RANBP17: variants seen among roughly 807,000 people sequenced by gnomAD.
RANBP17 encodes ran-binding protein 17.
A neutral mutation model predicts 141.2 loss-of-function variants in RANBP17; 158 were observed. The observed-to-expected ratio is 1.12, with a 90% confidence interval of 0.98 to 1.28. The LOEUF is 1.28. RANBP17 is among the 50% of genes most tolerant of loss of function. The pLI is 0.00. For missense variants in RANBP17, 1,438 were observed against 1,290.7 expected (o/e 1.11, Z -1.75); for synonymous variants, 430 against 450.0 (o/e 0.96, Z 0.56).
At chr5:171,252,238 G>A in intron 24 of RANBP17, 10 of 1,574,650 alleles carry the variant, frequency 6.4e-6, no homozygotes, top group Non-Finnish European at 8.7e-6. Flanking sequence ...TTTACAAGAA[G>A]AGAGAAAGCA....
chr5:170,933,360 C>A (rs1581178010), intron 12 of RANBP17, among the ~76,000 whole-genome samples: 1 of 152,020 alleles, frequency 6.6e-6, no homozygotes, highest in Non-Finnish European at 1.5e-5. Flanking sequence ...TTCAAAAAAA[C>A]CAGCTCCTGG....
chr5:171,184,270 G>C (rs1036535903), intron 18 of RANBP17, among the ~76,000 whole-genome samples: 1 of 152,140 alleles, frequency 6.6e-6, no homozygotes, highest in Non-Finnish European at 1.5e-5. Context: ...AGAAAATGTG[G>C]TATATATACA....
chr5:170,955,707 C>T (rs1394593842), intron 13 of RANBP17, among the ~76,000 whole-genome samples: 19 of 109,232 alleles, frequency 1.7e-4, no homozygotes, highest in South Asian at 6.4e-4. Context: ...TGTAGAGGAA[C>T]GAACTCTAAT....
intron 14 of RANBP17, among the ~76,000 whole-genome samples, chr5:171,138,017 C>A (rs951418192): frequency 3.3e-5 from 5 of 151,490 alleles, no homozygotes; most frequent in African/African-American, 4.8e-5. Flanking sequence ...TGCCCTGACT[C>A]CATCACTAAG....
intron 14 of RANBP17, among the ~76,000 whole-genome samples, chr5:171,081,560 C>T (rs753105727): frequency 3.9e-5 from 6 of 152,088 alleles, no homozygotes; most frequent in Non-Finnish European, 7.4e-5. Context: ...TTAATTTGTA[C>T]ATATCATTGT....
chr5:171,026,112 T>C (rs911920386), intron 14 of RANBP17, among the ~76,000 whole-genome samples: 1 of 152,194 alleles, frequency 6.6e-6, no homozygotes, highest in African/African-American at 2.4e-5. Context: ...ACAAAACCCC[T>C]GTAATTTATT....
intron 3 of RANBP17, among the ~76,000 whole-genome samples, chr5:170,887,064 T>C (rs1245584208): frequency 3.3e-5 from 5 of 152,208 alleles, no homozygotes; most frequent in Admixed American, 6.5e-5. Context: ...TTCAAACTCA[T>C]GTTGTTCAAG....
Position 170,946,431 on chromosome 5 carries a change from G to A in RANBP17, c.1469-7166G>A, listed in dbSNP as rs145278089. The stretch of plus-strand genomic sequence containing the variant: ...TAGATTCACATCCATTACATGAAGT[G>A]TATAACATATCCTACACACAATTGG... On this transcript the variant is annotated intron_variant, in intron 12 of 27. Coordinates refer to ENST00000523189, the MANE Select transcript of RANBP17 (RefSeq NM_022897.5). Among the ~76,000 whole-genome samples the A allele has an allele frequency of 9.5e-4, 144 of 152,200 alleles. 1 individual carries two copies. In the East Asian group the frequency reaches 0.025, roughly 27 times the overall value.
chr5:171,129,080 C>T (rs1756712180), intron 14 of RANBP17, among the ~76,000 whole-genome samples: 1 of 152,092 alleles, frequency 6.6e-6, no homozygotes, highest in African/African-American at 2.4e-5. Context: ...CTCCCCAACC[C>T]CCATCACCAT....
At chr5:170,881,496 A>C (rs1768687594) in intron 2 of RANBP17, among the ~76,000 whole-genome samples, 1 of 152,206 alleles carries the variant, frequency 6.6e-6, no homozygotes, top group Admixed American at 6.5e-5. Flanking sequence ...CAGATGATGT[A>C]GGGCTGTAGA....
chr5:171,057,872 A>C (rs1011893709), intron 14 of RANBP17, among the ~76,000 whole-genome samples: 2 of 152,032 alleles, frequency 1.3e-5, no homozygotes, highest in Non-Finnish European at 2.9e-5. Flanking sequence ...CCATGATCCA[A>C]TTACCTACAC....
chr5:171,081,782 A>C (rs1785269992), intron 14 of RANBP17, among the ~76,000 whole-genome samples: 1 of 152,176 alleles, frequency 6.6e-6, no homozygotes, highest in Non-Finnish European at 1.5e-5. Flanking sequence ...AAAGGAAATA[A>C]GATAGCTTCT....
intron 5 of RANBP17, among the ~76,000 whole-genome samples, chr5:170,908,467 A>G (rs1771251649): frequency 1.3e-5 from 2 of 151,802 alleles, no homozygotes; most frequent in Admixed American, 1.3e-4. Flanking sequence ...AACACTAGAT[A>G]CTTGTGGACA....
rs1447567626 is a variant in RANBP17 at position 171,137,584 on chromosome 5, GTGTGTGTGTGTGTGTGTGTGTC to G, written c.1711-32526_1711-32505del. On this transcript the variant is annotated intron_variant, in intron 14 of 27. Coordinates refer to ENST00000523189, the MANE Select transcript of RANBP17 (RefSeq NM_022897.5). ...CTGTTGACTTGAGATGTGTGTGTGT[GTGTGTGTGTGTGTGTGTGTGTC>G]TGTGTGTGTGTGTGTGTGTCTGTGT... Among the ~76,000 whole-genome samples, 706 of 144,186 alleles carry G rather than the reference GTGTGTGTGTGTGTGTGTGTGTC, an allele frequency of 4.9e-3. 10 individuals carry two copies. Among genetic ancestry groups the G allele is most frequent in the East Asian group, 0.04 (202 of 5,024 alleles). 94.6% of individuals were successfully genotyped at this position (144,186 alleles called of 152,430 possible).
rs567336855 is a variant in RANBP17, at chr5:170,984,228, C to T, written c.1710+15851C>T. On this transcript the variant is annotated intron_variant, in intron 14 of 27. Coordinates refer to ENST00000523189, the MANE Select transcript of RANBP17 (RefSeq NM_022897.5). ...TCTACAGACTGACCAGTTTGTCATC[C>T]GGGTGTATGGTTTCTTTCTGAGGTA... is the stretch of plus-strand genomic sequence containing the variant. Among the ~76,000 whole-genome samples the T allele has an allele frequency of 5.3e-4, 81 of 152,206 alleles. 1 individual carries two copies. Among genetic ancestry groups the T allele is most frequent in the South Asian group, 1.0e-3 (5 of 4,822 alleles).
At chr5:171,089,555 G>T (rs373854149) in intron 14 of RANBP17, among the ~76,000 whole-genome samples, 1 of 147,944 alleles carries the variant, frequency 6.8e-6, no homozygotes, top group Non-Finnish European at 1.5e-5. Context: ...CCCCTCCCCC[G>T]GCCTCGCTGC....
chr5:171,105,988 C>T (rs1449839069), intron 14 of RANBP17, among the ~76,000 whole-genome samples: 1 of 152,148 alleles, frequency 6.6e-6, no homozygotes, highest in African/African-American at 2.4e-5. Context: ...GTAAATTGTT[C>T]TACACATTAG....
chr5:171,148,163 T>G (rs1426686511), intron 14 of RANBP17, among the ~76,000 whole-genome samples: 2 of 152,060 alleles, frequency 1.3e-5, no homozygotes, highest in Non-Finnish European at 2.9e-5. Flanking sequence ...GTGCAAGATG[T>G]GCTTTGTTAA....
intron 14 of RANBP17, among the ~76,000 whole-genome samples, chr5:171,087,565 G>T (rs1282803298): frequency 6.6e-6 from 1 of 151,752 alleles, no homozygotes; most frequent in Non-Finnish European, 1.5e-5. Flanking sequence ...ACAGTGGGGT[G>T]TTAAAGTCTC....
Sources: allele counts gnomAD v4.1 joint callset (sites outside exome capture counted in the v4.1 genomes callset), GRCh38; gene constraint gnomAD v4.1.1; transcripts MANE v1.5; gene names NCBI Gene and HGNC (gene_info 2026-07-23, HGNC 2026-07-21).